Variants in PRKDC observed in about 807,000 individuals in gnomAD.
PRKDC encodes the protein protein kinase, DNA-activated, catalytic subunit, also known as DNA-dependent protein kinase catalytic subunit.
PRKDC carries 82 observed loss-of-function variants against 486.9 expected under a neutral mutation model. That is an observed-to-expected ratio of 0.17 (90% CI 0.14 to 0.20). The LOEUF is 0.20. PRKDC is among the 10% of genes least tolerant of loss of function. PRKDC has a pLI of 1.00. For missense variants in PRKDC, 4,504 were observed against 5,038.2 expected, an observed-to-expected ratio of 0.89 and a Z score of 3.21; for synonymous variants, 1,895 against 1,837.0, an observed-to-expected ratio of 1.03 and a Z score of -0.81.
At chr8:47,859,850 G>C (rs1484188226) in intron 45 of PRKDC, 91 bp from the exon 46 acceptor site, 1 of 1,298,258 alleles carries the variant, frequency 7.7e-7, no homozygotes, top group African/African-American at 1.5e-5. Flanking sequence ...GAAAATTAAA[G>C]CACATTTTAA....
At chr8:47,869,734 T>TGA (rs908075954) in intron 40 of PRKDC, among the ~76,000 whole-genome samples, 2 of 152,078 alleles carry the variant, frequency 1.3e-5, no homozygotes, top group African/African-American at 4.8e-5. Context: ...AGCGGGCTTC[T>TGA]GAGGTCCCCA....
chr8:47,837,396 C>T lies in PRKDC; in HGVS notation c.7577G>A (p.Ser2526Asn). Reference sequence around the variant, plus strand: ...ATTTGAAGGTAACCTAGTTTCATGGCTCCAGAAATTTCGAATAATTAATCT... The same window carrying T: ...ATTTGAAGGTAACCTAGTTTCATGGTTCCAGAAATTTCGAATAATTAATCT... ...GLQLIIRNFW[S>N]HETRLPSNTL... is the part of the protein sequence containing the mutation. Residue 2526 changes from serine (S) to asparagine (N), a missense_variant, in exon 57 of 86, where the codon AGC becomes AAC. Ser to Asn is a conservative substitution (Grantham distance 46). Transcript: ENST00000314191. 1 of 1,610,214 alleles carries T rather than the reference C, an allele frequency of 6.2e-7. No individual in the cohort carries two copies. The highest frequency in any genetic ancestry group is 8.5e-7 in the Non-Finnish European group (1 of 1,176,764).
intron 51 of PRKDC, 49 bp downstream of exon 51, chr8:47,854,034 A>G: frequency 1.9e-6 from 3 of 1,603,470 alleles, no homozygotes; most frequent in Non-Finnish European, 2.6e-6. Flanking sequence ...AAGTCTGTCA[A>G]TCCAGTTTGG....
intron 26 of PRKDC, 64 bp from the exon 27 acceptor site, chr8:47,902,859 T>G (rs916307853): frequency 2.3e-6 from 3 of 1,284,886 alleles, no homozygotes; most frequent in Non-Finnish European, 3.2e-6. Flanking sequence ...CTGAATACCC[T>G]TGGTCTATCT....
At chr8:47,896,005 C>T (rs368532313) in intron 30 of PRKDC, among the ~76,000 whole-genome samples, 1 of 151,836 alleles carries the variant, frequency 6.6e-6, no homozygotes, top group Admixed American at 6.6e-5. Context: ...TGCCATTGCA[C>T]TCTAGCCCAG....
At chr8:47,778,400 T>A in intron 83 of PRKDC, 59 bp downstream of exon 83, 3 of 1,535,160 alleles carry the variant, frequency 2.0e-6, no homozygotes, top group Non-Finnish European at 2.6e-6. Context: ...CTGGAGGTTG[T>A]TGAAAGTCCT....
intron 56 of PRKDC, 82 bp downstream of exon 56, chr8:47,839,066 A>G: frequency 9.2e-7 from 1 of 1,082,266 alleles, no homozygotes; most frequent in Admixed American, 2.2e-5. Flanking sequence ...ATACATTTCT[A>G]AAACTCCTGA....
At position 47,782,831 on chromosome 8, in the gene PRKDC, C is replaced by G; in HGVS notation, c.11176-233G>C. 1.7e-6 allele frequency: 1 copy of G among 571,686 alleles called. No individual in the cohort carries two copies. The highest frequency in any genetic ancestry group is 3.1e-6 in the Non-Finnish European group (1 of 320,680). The allele number at this position is 571,686 out of a possible 1,614,324, so 35.4% of individuals were successfully genotyped here. On this transcript the variant is annotated intron_variant, in intron 78 of 85. Coordinates refer to ENST00000314191, the MANE Select transcript of PRKDC (RefSeq NM_006904.7). This position sits in a 1 kb window ranked among gnomAD's most constrained non-coding sequence, Gnocchi z 4.9. ...AATACTTGCTTATGAATGTGGATATCTTTAGCAAGCAGCAACAGCCAACAT... is the reference window on the plus strand; with the variant it reads ...AATACTTGCTTATGAATGTGGATATGTTTAGCAAGCAGCAACAGCCAACAT...
At position 47,779,076 on chromosome 8, in the gene PRKDC, G is replaced by A. The variant is rs8178245; in HGVS notation, c.11507C>T (p.Pro3836Leu). ...AAYLSDPRAPPCEYKDWLTKM... is the reference protein window; with the variant it reads ...AAYLSDPRAPLCEYKDWLTKM... Reference sequence around the variant, plus strand: ...TGTCAGCCAATCTTTATATTCACACGGCGGTGCCCTGGGATCACTAATGAG... The same window carrying A: ...TGTCAGCCAATCTTTATATTCACACAGCGGTGCCCTGGGATCACTAATGAG... The change falls in exon 81 of 86, where the codon CCG becomes CTG. Residue 3836 changes from proline (P) to leucine (L), a missense_variant. Pro to Leu is a moderately conservative substitution (Grantham distance 98). Transcript: ENST00000314191. The A allele has an allele frequency of 7.4e-4, 1,185 of 1,596,324 alleles. 11 individuals carry two copies. The East Asian group carries it at 0.022, about 30-fold the overall frequency.
intron 80 of PRKDC, among the ~76,000 whole-genome samples, chr8:47,781,804 A>C (rs886657032): frequency 1.3e-5 from 2 of 152,180 alleles, no homozygotes; most frequent in African/African-American, 2.4e-5. Context: ...AGTGATAATA[A>C]TACTTACCTT....
chr8:47,856,639 C>T (rs758933950), intron 49 of PRKDC, among the ~76,000 whole-genome samples: 2 of 152,080 alleles, frequency 1.3e-5, no homozygotes, highest in African/African-American at 4.8e-5. Flanking sequence ...AAAGCACCAA[C>T]ACACACACAC....
chr8:47,924,755 G>A (rs2090127838), intron 21 of PRKDC, among the ~76,000 whole-genome samples: 1 of 151,994 alleles, frequency 6.6e-6, no homozygotes, highest in Non-Finnish European at 1.5e-5. Flanking sequence ...ATCCATAAGT[G>A]AATGCACATA....
intron 14 of PRKDC, 130 bp downstream of exon 14, chr8:47,934,879 A>G (rs549470426): frequency 1.6e-6 from 1 of 624,124 alleles, no homozygotes; most frequent in East Asian, 2.9e-5. Flanking sequence ...CACTTTTCAA[A>G]ATGTAAGGCA....
intron 74 of PRKDC, among the ~76,000 whole-genome samples, chr8:47,790,855 C>G (rs1452925796): frequency 6.6e-6 from 1 of 152,076 alleles, no homozygotes; most frequent in Non-Finnish European, 1.5e-5. Flanking sequence ...AACTGGGTAT[C>G]CATATGCAGA....
chr8:47,799,978 T>TA (rs1316878165), intron 71 of PRKDC, among the ~76,000 whole-genome samples: 1 of 152,200 alleles, frequency 6.6e-6, no homozygotes, highest in African/African-American at 2.4e-5. Context: ...ACAGTTCTTT[T>TA]AATTCAAAAA....
rs746882589 is a variant in PRKDC, at chr8:47,807,262, C to T, written c.9622G>A (p.Val3208Met). 20 of 1,613,230 alleles carry T rather than the reference C, an allele frequency of 1.2e-5. No individual in the cohort carries two copies. Among genetic ancestry groups the T allele is most frequent in the Non-Finnish European group, 1.7e-5 (20 of 1,179,578 alleles). Residue 3208 changes from valine (V) to methionine (M), a missense_variant, in exon 69 of 86, where the codon GTG (valine) becomes ATG (methionine). Transcript: ENST00000314191. ...TPLPEDNSMN[V>M]DQDGDPSDRM... is the part of the protein sequence containing the mutation. Reference sequence around the variant, plus strand: ...TCACTGGGGTCTCCATCTTGATCCACATTCATACTATTATCTTCTGGAAGA... The same window carrying T: ...TCACTGGGGTCTCCATCTTGATCCATATTCATACTATTATCTTCTGGAAGA...
At chr8:47,954,560 C>CTT (rs1221499967) in intron 4 of PRKDC, 114 bp from the exon 5 acceptor site, 2 of 408,694 alleles carry the variant, frequency 4.9e-6, no homozygotes, top group Non-Finnish European at 9.0e-6. Context: ...TATCTCAGTG[C>CTT]ATCTGTCCAC....
At chr8:47,889,404 C>T (rs2089408654) in intron 32 of PRKDC, among the ~76,000 whole-genome samples, 182 bp from the exon 33 acceptor site, 1 of 152,234 alleles carries the variant, frequency 6.6e-6, no homozygotes, top group Non-Finnish European at 1.5e-5. Flanking sequence ...TGCTTCAACT[C>T]CTTACGCGTC....
intron 7 of PRKDC, 55 bp from the exon 8 acceptor site, chr8:47,944,084 C>T (rs1370206454): frequency 5.0e-6 from 7 of 1,397,924 alleles, no homozygotes; most frequent in African/African-American, 1.4e-5. Flanking sequence ...TCACATAACA[C>T]ACTTTACAGA....
Sources: allele counts gnomAD v4.1 joint callset (sites outside exome capture counted in the v4.1 genomes callset), GRCh38; gene constraint gnomAD v4.1.1; non-coding constraint Gnocchi (gnomAD v3.1); transcripts MANE v1.5; gene names NCBI Gene and HGNC (gene_info 2026-07-23, HGNC 2026-07-21).